OR9Q1: variants seen among roughly 807,000 people sequenced by gnomAD.
The protein encoded by OR9Q1 is olfactory receptor family 9 subfamily Q member 1.
For synonymous variants in OR9Q1, 153 were observed against 148.6 expected, an observed-to-expected ratio of 1.03 and a Z score of -0.22; for missense variants, 374 against 378.8, an observed-to-expected ratio of 0.99 and a Z score of 0.11.
chr11:58,159,276 A>G (rs530645052), intron 2 of OR9Q1, among the ~76,000 whole-genome samples: 1 of 152,336 alleles, frequency 6.6e-6, no homozygotes, highest in African/African-American at 2.4e-5. Flanking sequence ...CTCAGATCAC[A>G]TACCTCCAGA....
intron 2 of OR9Q1, among the ~76,000 whole-genome samples, chr11:58,088,857 T>C (rs748819090): frequency 6.6e-6 from 1 of 151,738 alleles, no homozygotes; most frequent in Non-Finnish European, 1.5e-5. Context: ...TTGTCAATTT[T>C]GGCTTTTGTT....
rs531085363 is a variant in OR9Q1 at position 58,150,134 on chromosome 11, A to AT, written c.-14-29290dup. ...TTCACATGCTCAACACTTGTTTCCC[A>AT]TTTTTTTGGTAATAGCTATTCTAAT... is the stretch of plus-strand genomic sequence containing the variant. On this transcript the variant is annotated intron_variant, in intron 2 of 2. Transcript: ENST00000335397. 4.3e-4 allele frequency among the ~76,000 whole-genome samples: 66 copies of AT among 152,196 alleles called. No homozygotes were observed. In the East Asian group the frequency reaches 5.0e-3, roughly 12 times the overall value.
chr11:58,032,781 C>T lies in OR9Q1; in HGVS notation c.-93+8677C>T, dbSNP rs142011015. On this transcript the variant is annotated intron_variant, in intron 1 of 2. Coordinates refer to ENST00000335397, the MANE Select transcript of OR9Q1 (RefSeq NM_001005212.4). The stretch of plus-strand genomic sequence containing the variant: ...TAACAAGTGGGACTTAATTAAATAG[C>T]TTCTGCACAGTAAAATAAACTGTTG... Among the ~76,000 whole-genome samples, 235 of 152,264 alleles carry T rather than the reference C, an allele frequency of 1.5e-3. 1 individual carries two copies. The Middle Eastern group carries it at 0.02, about 13-fold the overall frequency.
At chr11:58,073,076 T>C (rs546590271) in intron 2 of OR9Q1, 3 of 207,674 alleles carry the variant, frequency 1.4e-5, no homozygotes, top group South Asian at 2.0e-4. Context: ...CTGTCTCATA[T>C]ACATATGCAT....
chr11:58,113,419 G>T (rs1853920989), intron 2 of OR9Q1, among the ~76,000 whole-genome samples: 1 of 152,116 alleles, frequency 6.6e-6, no homozygotes, highest in African/African-American at 2.4e-5. Flanking sequence ...TGGGACCATG[G>T]GGGTGGGAGG....
At chr11:58,027,819 A>G (rs749733910) in intron 1 of OR9Q1, among the ~76,000 whole-genome samples, 1 of 152,226 alleles carries the variant, frequency 6.6e-6, no homozygotes, top group African/African-American at 2.4e-5. Context: ...TTTGAGAAAC[A>G]AGAGCAGATC....
chr11:58,118,542 G>A, intron 2 of OR9Q1: 1 of 1,612,972 alleles, frequency 6.2e-7, no homozygotes, highest in Non-Finnish European at 8.5e-7. Flanking sequence ...CGACCTTTCT[G>A]AAGGCGTCTT....
intron 1 of OR9Q1, among the ~76,000 whole-genome samples, chr11:58,046,833 A>T (rs1853221487): frequency 6.6e-6 from 1 of 152,152 alleles, no homozygotes; most frequent in African/African-American, 2.4e-5. Context: ...ATTGCATTCC[A>T]GCCTGGGCAA....
intron 2 of OR9Q1, among the ~76,000 whole-genome samples, chr11:58,090,102 T>A (rs990663243): frequency 6.6e-6 from 1 of 152,170 alleles, no homozygotes; most frequent in South Asian, 2.1e-4. Context: ...ACAGAGACAA[T>A]TCAACTTCCT....
intron 2 of OR9Q1, among the ~76,000 whole-genome samples, chr11:58,114,711 T>C (rs930074822): frequency 6.6e-6 from 1 of 152,224 alleles, no homozygotes; most frequent in Non-Finnish European, 1.5e-5. Flanking sequence ...GATCCAGATC[T>C]ATTAGATTGG....
intron 1 of OR9Q1, chr11:58,030,811 G>C: frequency 4.7e-6 from 3 of 636,274 alleles, no homozygotes; most frequent in South Asian, 4.1e-5. Context: ...TGAATTCTTT[G>C]AGGGTAAGAA....
At chr11:58,088,896 G>C (rs1251371673) in intron 2 of OR9Q1, among the ~76,000 whole-genome samples, 1 of 150,868 alleles carries the variant, frequency 6.6e-6, no homozygotes, top group Non-Finnish European at 1.5e-5. Context: ...TTGTTTTTGA[G>C]ACGGAGTTTC....
At chr11:58,139,773 T>A (rs1317028089) in intron 2 of OR9Q1, among the ~76,000 whole-genome samples, 1 of 152,014 alleles carries the variant, frequency 6.6e-6, no homozygotes, top group Non-Finnish European at 1.5e-5. Flanking sequence ...TAGCAGCAAG[T>A]TTTATAATCC....
intron 2 of OR9Q1, among the ~76,000 whole-genome samples, chr11:58,139,603 G>C: frequency 6.6e-6 from 1 of 152,072 alleles, no homozygotes; most frequent in East Asian, 1.9e-4. Flanking sequence ...TCCCAACAAA[G>C]GACATGAACT....
At chr11:58,141,726 C>A (rs570514844) in intron 2 of OR9Q1, among the ~76,000 whole-genome samples, 61 of 152,124 alleles carry the variant, frequency 4.0e-4, no homozygotes, top group Non-Finnish European at 6.8e-4. Flanking sequence ...GTAACTTGTA[C>A]AAGGTCACAC....
chr11:58,034,792 CCCTTCCTT>C (rs71061567), intron 1 of OR9Q1, among the ~76,000 whole-genome samples: 150 of 96,050 alleles, frequency 1.6e-3, no homozygotes, highest in South Asian at 7.5e-3. Flanking sequence ...CCTCCTTTCT[CCCTTCCTT>C]CCTTCCTTCC....
At chr11:58,044,134 A>G (rs1455975315) in intron 1 of OR9Q1, 1 of 152,252 alleles carries the variant, frequency 6.6e-6, no homozygotes, top group Non-Finnish European at 1.5e-5. Context: ...AATGAATTTA[A>G]TAGCCTCAAA....
intron 1 of OR9Q1, among the ~76,000 whole-genome samples, chr11:58,034,735 T>TTTCC (rs71454309): frequency 0.044 from 4,951 of 111,422 alleles, 322 homozygotes; most frequent in African/African-American, 0.13. Flanking sequence ...GGTTTCTTTC[T>TTTCC]TTCCTTCCTT....
intron 2 of OR9Q1, among the ~76,000 whole-genome samples, chr11:58,114,320 G>A (rs561299473): frequency 3.3e-5 from 5 of 152,264 alleles, no homozygotes; most frequent in Admixed American, 3.3e-4. Context: ...CACCTAAGAT[G>A]ATGCTTATGT....
Sources: gnomAD v4.1 joint callset for allele counts (sites outside exome capture counted in the v4.1 genomes callset) on GRCh38, gnomAD v4.1.1 for gene constraint, MANE v1.5 for transcripts, NCBI Gene and HGNC (gene_info 2026-07-23, HGNC 2026-07-21) for gene names.